The following STK24 variants were observed in gnomAD, a reference collection of about 807,000 sequenced individuals.
STK24 encodes the protein serine/threonine-protein kinase 24.
Under a neutral mutation model 55.6 loss-of-function variants are expected in STK24, and 21 were observed. The observed-to-expected ratio is 0.38, with a 90% CI of 0.27 to 0.54. The LOEUF is 0.54. Ranked by LOEUF, STK24 falls within the 20% of genes least tolerant of loss-of-function variation. The pLI is 0.79. For synonymous variants in STK24, 200 were observed against 215.2 expected, an observed-to-expected ratio of 0.93 and a Z score of 0.62; for missense variants, 383 against 538.4, an observed-to-expected ratio of 0.71 and a Z score of 2.86.
At position 98,466,357 on chromosome 13, in the gene STK24, T is replaced by A. The variant is rs1451969520; in HGVS notation, c.783+19A>T. ...AAGCCGCACATGAAGAGGTACGCTG[T>A]GATCCCTGGGAAACTTACAAAGCTC... On this transcript the variant is annotated intron_variant, in intron 6 of 10. Transcript: ENST00000539966. The A allele has an allele frequency of 1.2e-6, 2 of 1,611,234 alleles. No individual in the cohort carries two copies. Among genetic ancestry groups the A allele is most frequent in the African/African-American group, 2.7e-5 (2 of 74,920 alleles).
intron 1 of STK24, among the ~76,000 whole-genome samples, chr13:98,525,632 G>A (rs1267609748): frequency 6.6e-6 from 1 of 152,146 alleles, no homozygotes; most frequent in African/African-American, 2.4e-5. Context: ...CAGGAGGATC[G>A]GCTTCTCTAT....
Position 98,449,324 on chromosome 13 carries a change from C to CAT in STK24, c.*3847_*3848dup, listed in dbSNP as rs1304881045. 8 of 152,152 alleles carry CAT rather than the reference C, an allele frequency of 5.3e-5. No homozygotes were observed. Among genetic ancestry groups the CAT allele is most frequent in the Non-Finnish European group, 1.0e-4 (7 of 68,032 alleles). The allele number at this position is 152,152 out of a possible 1,614,324, so 9.4% of individuals were successfully genotyped here. ...TATATATCGTGCCTGTCTTCAAAAA[C>CAT]ATTTCCCTTTTTATACTCATTCCCC... On this transcript the variant is annotated 3_prime_UTR_variant, in exon 11 of 11. Transcript: ENST00000539966.
At chr13:98,495,908 T>C (rs1461500521) in intron 2 of STK24, among the ~76,000 whole-genome samples, 2 of 152,230 alleles carry the variant, frequency 1.3e-5, no homozygotes, top group Non-Finnish European at 2.9e-5. Flanking sequence ...ACGGGCTCCA[T>C]GGACCATTTC....
rs899364292 is a variant in STK24 at position 98,482,127 on chromosome 13, G to A, written c.330+138C>T. 94 of 423,398 alleles carry A rather than the reference G, an allele frequency of 2.2e-4. 1 individual carries two copies. Among genetic ancestry groups the A allele is most frequent in the African/African-American group, 1.6e-3 (76 of 47,710 alleles). The allele number at this position is 423,398 out of a possible 1,614,324, so 26.2% of individuals were successfully genotyped here. ...TGATATATAAGAAGCAAAAAAACAC[G>A]TAAGGAATAGTTTGGTTCCTTTTTT... On this transcript the variant is annotated intron_variant, in intron 3 of 10. Coordinates refer to ENST00000539966, the MANE Select transcript of STK24 (RefSeq NM_001032296.4).
intron 2 of STK24, among the ~76,000 whole-genome samples, chr13:98,513,616 A>G (rs1290376493): frequency 1.3e-5 from 2 of 152,064 alleles, no homozygotes; most frequent in South Asian, 2.1e-4. Context: ...CAGACTGCAC[A>G]AGAGTTTCTC....
At chr13:98,569,192 G>A (rs1897669232) in intron 1 of STK24, among the ~76,000 whole-genome samples, 1 of 152,092 alleles carries the variant, frequency 6.6e-6, no homozygotes, top group African/African-American at 2.4e-5. Flanking sequence ...ATCTTCAACA[G>A]CAACACTGGA....
chr13:98,490,988 T>G (rs1278073006), intron 2 of STK24, among the ~76,000 whole-genome samples: 1 of 151,888 alleles, frequency 6.6e-6, no homozygotes, highest in African/African-American at 2.4e-5. Context: ...CAAAGATGCA[T>G]GGGGACCAGC....
At chr13:98,560,089 T>C (rs1189307559) in intron 1 of STK24, among the ~76,000 whole-genome samples, 1 of 152,210 alleles carries the variant, frequency 6.6e-6, no homozygotes, top group African/African-American at 2.4e-5. Context: ...CCAACTCCTC[T>C]GGAGGTGAGA....
In STK24 at chr13:98,461,824, T is replaced by C. The variant is rs1156681744; in HGVS notation, c.1003A>G (p.Lys335Glu). The change falls in exon 8 of 11, where the codon AAG (lysine) becomes GAG (glutamate). Residue 335 changes from lysine to glutamate, a missense_variant. Physicochemically the swap from Lys to Glu is moderately conservative, Grantham distance 56 (BLOSUM62 1). Coordinates refer to ENST00000539966, the MANE Select transcript of STK24 (RefSeq NM_001032296.4). ...TGAAGAGCTCCATTCTCGAGATTCT[T>C]GGGATCTTTTTCTCGGATTGTGAAG... ...WIFTIREKDP[K>E]NLENGALQPS... 1.2e-6 allele frequency: 2 copies of C among 1,614,184 alleles called. No homozygotes were observed. Among genetic ancestry groups the C allele is most frequent in the Non-Finnish European group, 1.7e-6 (2 of 1,179,998 alleles).
In STK24 at chr13:98,538,079, C is replaced by T. The variant is rs577847195; in HGVS notation, c.43-18606G>A. On this transcript the variant is annotated intron_variant, in intron 1 of 10. Coordinates refer to ENST00000539966, the MANE Select transcript of STK24 (RefSeq NM_001032296.4). ...CAACAGACACCTGCTTTCTGGTGCC[C>T]ATCAATGTCACTAATCCACAGGGAT... Among the ~76,000 whole-genome samples the T allele has an allele frequency of 1.1e-4, 16 of 152,242 alleles. No homozygotes were observed. In the South Asian group the frequency reaches 3.3e-3, roughly 32 times the overall value.
At chr13:98,557,935 GA>G (rs747794350) in intron 1 of STK24, among the ~76,000 whole-genome samples, 1 of 152,126 alleles carries the variant, frequency 6.6e-6, no homozygotes, top group Non-Finnish European at 1.5e-5. Context: ...GCCTTTAAAA[GA>G]AATTCTTCTA....
rs565272330 is a variant in STK24, at chr13:98,533,964, C to T, written c.43-14491G>A. Among the ~76,000 whole-genome samples the T allele has an allele frequency of 1.3e-3, 199 of 152,346 alleles. 3 individuals are homozygous for T. In the South Asian group the frequency reaches 0.016, roughly 12 times the overall value. ...ACCCAACTCTCCTGGAGTCACACTC[C>T]TTCTCAGCACAAGTTAAACAAAGGC... On this transcript the variant is annotated intron_variant, in intron 1 of 10. Transcript: ENST00000539966.
intron 2 of STK24, among the ~76,000 whole-genome samples, chr13:98,500,393 A>T (rs1207800663): frequency 6.6e-6 from 1 of 152,130 alleles, no homozygotes; most frequent in Non-Finnish European, 1.5e-5. Flanking sequence ...CTTGATATGG[A>T]ATTGAAATTT....
At chr13:98,552,934 A>G (rs1897191753) in intron 1 of STK24, among the ~76,000 whole-genome samples, 1 of 152,148 alleles carries the variant, frequency 6.6e-6, no homozygotes, top group Non-Finnish European at 1.5e-5. Context: ...TACACCACCA[A>G]GAGTGAGCTC....
chr13:98,471,351 C>T (rs1409136150), intron 5 of STK24, among the ~76,000 whole-genome samples: 2 of 152,130 alleles, frequency 1.3e-5, no homozygotes, highest in African/African-American at 4.8e-5. Flanking sequence ...AAGCACAATC[C>T]ATTCGCTAAC....
At chr13:98,532,789 T>C (rs1896616147) in intron 1 of STK24, among the ~76,000 whole-genome samples, 1 of 152,234 alleles carries the variant, frequency 6.6e-6, no homozygotes, top group African/African-American at 2.4e-5. Flanking sequence ...ACAATAAATC[T>C]ACTAATTACT....
At chr13:98,563,276 C>A (rs190165086) in intron 1 of STK24, among the ~76,000 whole-genome samples, 1 of 152,328 alleles carries the variant, frequency 6.6e-6, no homozygotes, top group African/African-American at 2.4e-5. Context: ...AGATGGCACA[C>A]TTCAATCGCA....
chr13:98,569,416 AAAAAAAAAAAC>A (rs1020745488), intron 1 of STK24, among the ~76,000 whole-genome samples: 2 of 143,160 alleles, frequency 1.4e-5, no homozygotes, highest in East Asian at 2.0e-4. Flanking sequence ...GCAGAGACAA[AAAAAAAAAAAC>A]AAAAAAAAAC....
chr13:98,525,097 C>T (rs1202299864), intron 1 of STK24, among the ~76,000 whole-genome samples: 1 of 152,266 alleles, frequency 6.6e-6, no homozygotes, highest in Non-Finnish European at 1.5e-5. Flanking sequence ...CATTACCATA[C>T]TGTGTCCCCC....
Sources: gnomAD v4.1 joint callset for allele counts (sites outside exome capture counted in the v4.1 genomes callset) on GRCh38, gnomAD v4.1.1 for gene constraint, MANE v1.5 for transcripts, NCBI Gene and HGNC (gene_info 2026-07-23, HGNC 2026-07-21) for gene names.